The following LYZL1 variants were observed in gnomAD, a reference collection of about 807,000 sequenced individuals.
LYZL1 encodes the protein lysozyme-like protein 1.
Under a neutral mutation model 17.9 loss-of-function variants are expected in LYZL1, and 16 were observed. The observed-to-expected ratio is 0.90, with a 90% CI of 0.61 to 1.36. LYZL1 has a LOEUF of 1.36. Among genes scored for constraint, LYZL1 ranks in the 40% most tolerant of loss-of-function variants. LYZL1 has a pLI of 0.00. For synonymous variants in LYZL1, 58 were observed against 71.8 expected (o/e 0.81, Z 0.97); for missense variants, 149 against 188.4 (o/e 0.79, Z 1.22).
At chr10:29,292,447 C>T (rs1046793810) in intron 2 of LYZL1, 72 bp from the exon 3 acceptor site, 1 of 1,572,370 alleles carries the variant, frequency 6.4e-7, no homozygotes, top group South Asian at 1.2e-5. Flanking sequence ...GATAAGGAAA[C>T]TCGCCCTCAG....
intron 1 of LYZL1, among the ~76,000 whole-genome samples, 191 bp from the exon 2 acceptor site, chr10:29,291,652 A>T (rs1225284717): frequency 6.6e-6 from 1 of 152,102 alleles, no homozygotes; most frequent in Non-Finnish European, 1.5e-5. Context: ...TACTGTATGG[A>T]AAAGCATTAA....
At chr10:29,316,677 G>GTT (rs57432100) in intron 3 of LYZL1, among the ~76,000 whole-genome samples, 51 of 140,840 alleles carry the variant, frequency 3.6e-4, no homozygotes, top group Middle Eastern at 3.5e-3. Context: ...TTTCTTCCAG[G>GTT]TTTTTTTTTT....
In LYZL1 at chr10:29,311,215, A is replaced by G. The variant is rs1267959002; in HGVS notation, c.*156A>G. The G allele has an allele frequency of 2.8e-5, 43 of 1,557,846 alleles. No individual in the cohort carries two copies. The highest frequency in any genetic ancestry group is 3.6e-5 in the Non-Finnish European group (42 of 1,155,612). On this transcript the variant is annotated 3_prime_UTR_variant, in exon 5 of 5. Coordinates refer to ENST00000649382, the MANE Select transcript of LYZL1 (RefSeq NM_032517.6). ...TACTTTTAAGAAAATAAATATTTCC[A>G]TTTAAATGTCTTCACCCCGTCTCAG...
chr10:29,296,945 G>A (rs535661431), intron 3 of LYZL1, among the ~76,000 whole-genome samples: 1 of 152,110 alleles, frequency 6.6e-6, no homozygotes, highest in Admixed American at 6.5e-5. Flanking sequence ...AAAAAATGAA[G>A]CAAAAACCAA....
intron 3 of LYZL1, among the ~76,000 whole-genome samples, chr10:29,293,346 G>A (rs1835403561): frequency 6.6e-6 from 1 of 151,728 alleles, no homozygotes; most frequent in Non-Finnish European, 1.5e-5. Context: ...GTCCCACCTG[G>A]GCTGGTCTTG....
chr10:29,304,977 A>G (rs1304228396), intron 3 of LYZL1, among the ~76,000 whole-genome samples: 1 of 152,166 alleles, frequency 6.6e-6, no homozygotes, highest in African/African-American at 2.4e-5. Flanking sequence ...CTTACAGGGC[A>G]TCCACAATCA....
At chr10:29,305,982 T>C (rs1243203039) in intron 3 of LYZL1, among the ~76,000 whole-genome samples, 1 of 152,224 alleles carries the variant, frequency 6.6e-6, no homozygotes, top group African/African-American at 2.4e-5. Flanking sequence ...CTAGCATTTT[T>C]TACAATTATT....
chr10:29,316,779 T>C (rs116219427), intron 3 of LYZL1, among the ~76,000 whole-genome samples: 5,295 of 151,160 alleles, frequency 0.035, 157 homozygotes, highest in South Asian at 0.079. Flanking sequence ...TGCAGTGGCG[T>C]GATCTTGGCT....
At position 29,311,230 on chromosome 10, in the gene LYZL1, C is replaced by A. The variant is rs559901685; in HGVS notation, c.*171C>A. 2 of 1,511,328 alleles carry A rather than the reference C, an allele frequency of 1.3e-6. No homozygotes were observed. Among genetic ancestry groups the A allele is most frequent in the South Asian group, 2.5e-5 (2 of 78,518 alleles). 93.6% of individuals were successfully genotyped at this position (1,511,328 alleles called of 1,614,324 possible). ...AAATATTTCCATTTAAATGTCTTCA[C>A]CCCGTCTCAGTTCCAATGATGTCAT... is the stretch of plus-strand genomic sequence containing the variant. On this transcript the variant is annotated 3_prime_UTR_variant, in exon 5 of 5. Coordinates refer to ENST00000649382, the MANE Select transcript of LYZL1 (RefSeq NM_032517.6).
chr10:29,295,756 AAG>A (rs1835438712), intron 3 of LYZL1, among the ~76,000 whole-genome samples: 1 of 152,200 alleles, frequency 6.6e-6, no homozygotes, highest in Admixed American at 6.5e-5. Flanking sequence ...TAGAAGAAGA[AAG>A]AGAGATTCAA....
chr10:29,293,122 C>CTTTTTTTT (rs1451187937), intron 3 of LYZL1, among the ~76,000 whole-genome samples: 1 of 96,848 alleles, frequency 1.0e-5, no homozygotes, highest in Non-Finnish European at 2.4e-5. Context: ...TTTTTCTTTT[C>CTTTTTTTT]TTTTCTTTTT....
chr10:29,296,660 T>C (rs958195977), intron 3 of LYZL1, among the ~76,000 whole-genome samples: 2 of 152,052 alleles, frequency 1.3e-5, no homozygotes, highest in Non-Finnish European at 2.9e-5. Context: ...CCAACCACCA[T>C]CTCCACTCAG....
At chr10:29,294,362 AG>A in intron 3 of LYZL1, among the ~76,000 whole-genome samples, 1 of 152,302 alleles carries the variant, frequency 6.6e-6, no homozygotes, top group East Asian at 1.9e-4. Flanking sequence ...GATAGATTAA[AG>A]CAGAGACCAT....
At chr10:29,316,795 C>G (rs1443989076) in intron 3 of LYZL1, among the ~76,000 whole-genome samples, 3 of 150,244 alleles carry the variant, frequency 2.0e-5, no homozygotes, top group Non-Finnish European at 4.4e-5. Context: ...TGGCTCACTG[C>G]AGCCTCAAAC....
chr10:29,309,606 CG>C (rs1348586584), intron 3 of LYZL1, among the ~76,000 whole-genome samples: 10 of 152,110 alleles, frequency 6.6e-5, no homozygotes, highest in Non-Finnish European at 1.0e-4. Flanking sequence ...AAGTGATCCT[CG>C]CACTTCAGGC....
At position 29,300,334 on chromosome 10, in the gene LYZL1, A is replaced by G. The variant is rs138350224; in HGVS notation, c.298+7657A>G. 7.5e-3 allele frequency among the ~76,000 whole-genome samples: 1,148 copies of G among 152,252 alleles called. 15 individuals carry two copies. The highest frequency in any genetic ancestry group is 0.026 in the African/African-American group (1,064 of 41,538). On this transcript the variant is annotated intron_variant, in intron 3 of 4. Transcript: ENST00000649382. Reference sequence around the variant, plus strand: ...TAGTAGTTACTCTAGGGTTTCCAATAGGCATCATTATCGTATTACATTCTA... The same window carrying G: ...TAGTAGTTACTCTAGGGTTTCCAATGGGCATCATTATCGTATTACATTCTA...
At chr10:29,306,541 C>G (rs1835594029) in intron 3 of LYZL1, among the ~76,000 whole-genome samples, 1 of 85,060 alleles carries the variant, frequency 1.2e-5, no homozygotes, top group Admixed American at 2.0e-4. Flanking sequence ...CAGAGCGAGA[C>G]TCCGTCTCAA....
chr10:29,318,118 A>G, intron 4 of LYZL1: 1 of 982,984 alleles, frequency 1.0e-6, no homozygotes, highest in Non-Finnish European at 1.2e-6. Context: ...GCTGAAAGAA[A>G]CCACCTGAAA....
chr10:29,299,652 C>A (rs1835490986), intron 3 of LYZL1, among the ~76,000 whole-genome samples: 1 of 152,094 alleles, frequency 6.6e-6, no homozygotes, highest in African/African-American at 2.4e-5. Context: ...GTGAATTGAC[C>A]CTTTTGTCAC....
Sources: allele counts gnomAD v4.1 joint callset (sites outside exome capture counted in the v4.1 genomes callset), GRCh38; gene constraint gnomAD v4.1.1; transcripts MANE v1.5; gene names NCBI Gene and HGNC (gene_info 2026-07-23, HGNC 2026-07-21).